MAPK13: variants seen among roughly 807,000 people sequenced by gnomAD.
MAPK13 encodes MAP kinase 13.
A neutral mutation model predicts 53.5 loss-of-function variants in MAPK13; 39 were observed. That is an observed-to-expected ratio of 0.73 (90% CI 0.56 to 0.95). The LOEUF (loss-of-function observed/expected upper bound fraction) is 0.95, where lower values mean the gene tolerates loss of function less well. Ranked by LOEUF, MAPK13 falls within the 40% of genes least tolerant of loss-of-function variation. MAPK13 has a pLI of 0.00. For synonymous variants in MAPK13, 179 were observed against 190.9 expected, an observed-to-expected ratio of 0.94 and a Z score of 0.51; for missense variants, 460 against 471.8, an observed-to-expected ratio of 0.98 and a Z score of 0.23.
chr6:36,136,575 C>A (rs758419038), intron 6 of MAPK13, 44 bp downstream of exon 6: 1 of 1,596,146 alleles, frequency 6.3e-7, no homozygotes, highest in African/African-American at 1.3e-5. Flanking sequence ...ATAGGCCCTC[C>A]CCCAGGGAAG....
Position 36,136,513 on chromosome 6 carries a change from T to C in MAPK13, c.477T>C (p.Asn159=). Residue 159 remains asparagine, a synonymous_variant, in exon 6 of 12, where the codon AAT becomes AAC. Coordinates refer to ENST00000211287, the MANE Select transcript of MAPK13 (RefSeq NM_002754.5). Reference sequence around the variant, plus strand: ...TGAAGCCAGGCAACCTGGCTGTGAATGAGGACTGTGAACTGAAGGTGAGTG... The same window carrying C: ...TGAAGCCAGGCAACCTGGCTGTGAACGAGGACTGTGAACTGAAGGTGAGTG... ...RDLKPGNLAV[N]EDCELKILDF... The C allele has an allele frequency of 6.2e-7, 1 of 1,604,172 alleles. No homozygotes were observed.
rs1766579171 is a variant in MAPK13 at position 36,143,706 on chromosome 6, G to C, written c.*4333G>C. 1.3e-5 allele frequency: 2 copies of C among 152,142 alleles called. No homozygotes were observed. 9.4% of individuals were successfully genotyped at this position (152,142 alleles called of 1,614,324 possible). A position where few individuals can be genotyped will look rare whatever the true frequency, so the allele number is the denominator to read the frequency against. On this transcript the variant is annotated 3_prime_UTR_variant, in exon 12 of 12. Transcript: ENST00000211287. Reference sequence around the variant, plus strand: ...ATCTGCATTCCCCCTAAATCCTCCTGAGCTTTTAGGTAAGAGGCCGATGAT... The same window carrying C: ...ATCTGCATTCCCCCTAAATCCTCCTCAGCTTTTAGGTAAGAGGCCGATGAT...
chr6:36,131,511 C>A, intron 2 of MAPK13, 111 bp downstream of exon 2: 2 of 1,084,144 alleles, frequency 1.8e-6, no homozygotes, highest in African/African-American at 3.1e-5. Context: ...CTCCCTGCTC[C>A]CCTGACGGTG....
Position 36,139,878 on chromosome 6 carries a change from G to T in MAPK13, c.*505G>T, listed in dbSNP as rs1766501976. ...CTTGTGGCGGCAGTGGGCAGTCCGT[G>T]GCATTCCCCAGCTTATTGCTGCATC... On this transcript the variant is annotated 3_prime_UTR_variant, in exon 12 of 12. Coordinates refer to ENST00000211287, the MANE Select transcript of MAPK13 (RefSeq NM_002754.5). The T allele has an allele frequency of 1.3e-5, 2 of 158,908 alleles. No homozygotes were observed. Among genetic ancestry groups the T allele is most frequent in the African/African-American group, 4.8e-5 (2 of 41,560 alleles). 9.8% of individuals were successfully genotyped at this position (158,908 alleles called of 1,614,324 possible).
intron 5 of MAPK13, among the ~76,000 whole-genome samples, 198 bp from the exon 6 acceptor site, chr6:36,136,286 G>A (rs1407968701): frequency 6.6e-6 from 1 of 152,230 alleles, no homozygotes; most frequent in Non-Finnish European, 1.5e-5. Flanking sequence ...GAGTGTTTCA[G>A]GCTTCAAGAA....
intron 8 of MAPK13, among the ~76,000 whole-genome samples, chr6:36,137,660 A>AC (rs1252855913): frequency 2.0e-5 from 3 of 148,644 alleles, no homozygotes; most frequent in African/African-American, 7.5e-5. Context: ...AAAAAAAAAA[A>AC]AAAAAAAAAC....
At chr6:36,131,194 G>A in intron 1 of MAPK13, 77 bp from the exon 2 acceptor site, 1 of 1,528,670 alleles carries the variant, frequency 6.5e-7, no homozygotes, top group Non-Finnish European at 8.8e-7. Flanking sequence ...CAGCTGCCCA[G>A]TGGGAGGGGT....
At position 36,139,507 on chromosome 6, in the gene MAPK13, G is replaced by A; in HGVS notation, c.*134G>A. 1 of 678,378 alleles carries A rather than the reference G, an allele frequency of 1.5e-6. No homozygotes were observed. The highest frequency in any genetic ancestry group is 1.8e-5 in the African/African-American group (1 of 55,794). 42.0% of individuals were successfully genotyped at this position (678,378 alleles called of 1,614,324 possible). ...GGGTCCTTCTCCTTATGTGGGAAAT[G>A]GGCCTAGTAGATGCAGAATTCAAAG... On this transcript the variant is annotated 3_prime_UTR_variant, in exon 12 of 12. Coordinates refer to ENST00000211287, the MANE Select transcript of MAPK13 (RefSeq NM_002754.5).
intron 3 of MAPK13, 140 bp downstream of exon 3, chr6:36,132,819 G>T (rs1766347045): frequency 2.2e-6 from 2 of 890,526 alleles, no homozygotes; most frequent in African/African-American, 3.3e-5. Context: ...GCCTTTGCCT[G>T]TCAAGTGTGA....
intron 3 of MAPK13, among the ~76,000 whole-genome samples, chr6:36,133,815 G>A (rs1371655628): frequency 6.6e-6 from 1 of 152,136 alleles, no homozygotes; most frequent in Non-Finnish European, 1.5e-5. Flanking sequence ...TGAAAGAGAA[G>A]ATCCAAGAGG....
At chr6:36,132,770 G>C in intron 3 of MAPK13, 91 bp downstream of exon 3, 4 of 1,351,154 alleles carry the variant, frequency 3.0e-6, no homozygotes, top group Non-Finnish European at 4.2e-6. Context: ...TTTCTATTCC[G>C]GGTGTGGCGG....
chr6:36,131,554 C>T lies in MAPK13; in HGVS notation c.249+154C>T, dbSNP rs1285482373. Among the ~76,000 whole-genome samples the T allele has an allele frequency of 7.9e-5, 12 of 152,272 alleles. No homozygotes were observed. In the East Asian group the frequency reaches 2.1e-3, roughly 27 times the overall value. Reference sequence around the variant, plus strand: ...CCTCACTATTGAAAGGAGGGGGTGCCGAGACCTTCCCTGCCCACTTTCCAG... The same window carrying T: ...CCTCACTATTGAAAGGAGGGGGTGCTGAGACCTTCCCTGCCCACTTTCCAG... On this transcript the variant is annotated intron_variant, in intron 2 of 11. Transcript: ENST00000211287.
Position 36,142,867 on chromosome 6 carries a change from A to G in MAPK13, c.*3494A>G, listed in dbSNP as rs973755212. 5 of 140,214 alleles carry G rather than the reference A, an allele frequency of 3.6e-5. No homozygotes were observed. The South Asian group carries it at 1.3e-3, about 38-fold the overall frequency. The allele number at this position is 140,214 out of a possible 1,614,324, so 8.7% of individuals were successfully genotyped here. On this transcript the variant is annotated 3_prime_UTR_variant, in exon 12 of 12. Coordinates refer to ENST00000211287, the MANE Select transcript of MAPK13 (RefSeq NM_002754.5). This position sits in a 1 kb window ranked among gnomAD's most constrained non-coding sequence, Gnocchi z 4.4. ...GGCGGTGGAGGTGCTCAGCAGTGCA[A>G]GGTGGGGGGTGGAGGGGGTGGGGAG...
At chr6:36,135,643 C>A in intron 3 of MAPK13, 110 bp from the exon 4 acceptor site, 2 of 695,234 alleles carry the variant, frequency 2.9e-6, no homozygotes, top group Non-Finnish European at 2.5e-6. Flanking sequence ...TTTTTGCACA[C>A]TGGAGGGTGT....
Position 36,136,714 on chromosome 6 carries a change from C to T in MAPK13, c.554C>T (p.Thr185Ile), listed in dbSNP as rs942023313. The part of the protein sequence containing the change: ...ADAEMTGYVV[T>I]RWYRAPEVIL... ...GCCGAGATGACTGGCTACGTGGTGA[C>T]CCGCTGGTACCGAGCCCCCGAGGTG... is the stretch of plus-strand genomic sequence containing the variant. Residue 185 changes from threonine (T) to isoleucine (I), a missense_variant, in exon 7 of 12, where the codon ACC becomes ATC. Transcript: ENST00000211287. The T allele has an allele frequency of 1.2e-6, 2 of 1,613,898 alleles. No individual in the cohort carries two copies. Among genetic ancestry groups the T allele is most frequent in the African/African-American group, 2.7e-5 (2 of 74,944 alleles).
chr6:36,139,461 C>A lies in MAPK13; in HGVS notation c.*88C>A. On this transcript the variant is annotated 3_prime_UTR_variant, in exon 12 of 12. Coordinates refer to ENST00000211287, the MANE Select transcript of MAPK13 (RefSeq NM_002754.5). ...AAACTCAGCCCTTCTTGGAATACAG[C>A]CTTTCAAGCAGAGGACAGAAGGGTC... 1 of 1,070,124 alleles carries A rather than the reference C, an allele frequency of 9.3e-7. No individual in the cohort carries two copies. The highest frequency in any genetic ancestry group is 1.4e-6 in the Non-Finnish European group (1 of 693,256). The allele number at this position is 1,070,124 out of a possible 1,614,324, so 66.3% of individuals were successfully genotyped here. A position where few individuals can be genotyped will look rare whatever the true frequency, so the allele number is the denominator to read the frequency against.
chr6:36,131,520 T>C, intron 2 of MAPK13, 120 bp downstream of exon 2: 1 of 996,386 alleles, frequency 1.0e-6, no homozygotes, highest in Non-Finnish European at 1.5e-6. Flanking sequence ...CCCCTGACGG[T>C]GCCTCTCGCC....
chr6:36,141,685 A>C lies in MAPK13; in HGVS notation c.*2312A>C, dbSNP rs1192093608. 6.5e-6 allele frequency: 1 copy of C among 152,964 alleles called. No homozygotes were observed. The highest frequency in any genetic ancestry group is 1.5e-5 in the Non-Finnish European group (1 of 68,686). The allele number at this position is 152,964 out of a possible 1,614,324, so 9.5% of individuals were successfully genotyped here. A position where few individuals can be genotyped will look rare whatever the true frequency, so the allele number is the denominator to read the frequency against. On this transcript the variant is annotated 3_prime_UTR_variant, in exon 12 of 12. Coordinates refer to ENST00000211287, the MANE Select transcript of MAPK13 (RefSeq NM_002754.5). Reference sequence around the variant, plus strand: ...AGACTCCATCTCAAAAAAACAAAAAAAACAAATACCCTGAGGACACAGAGA... The same window carrying C: ...AGACTCCATCTCAAAAAAACAAAAACAACAAATACCCTGAGGACACAGAGA...
chr6:36,142,949 G>C lies in MAPK13; in HGVS notation c.*3576G>C, dbSNP rs1243064476. ...CTTGCCCAGTGGGCACATGGCCTGTGTAATAGGAAACAAGTCCATTCTCCT... is the reference window on the plus strand; with the variant it reads ...CTTGCCCAGTGGGCACATGGCCTGTCTAATAGGAAACAAGTCCATTCTCCT... On this transcript the variant is annotated 3_prime_UTR_variant, in exon 12 of 12. Coordinates refer to ENST00000211287, the MANE Select transcript of MAPK13 (RefSeq NM_002754.5). The surrounding 1 kb of genome is among the most constrained non-coding windows in gnomAD (Gnocchi z 4.4). The C allele has an allele frequency of 2.0e-5, 3 of 152,076 alleles. 1 individual carries two copies. The highest frequency in any genetic ancestry group is 1.3e-4 in the Admixed American group (2 of 15,268). 9.4% of individuals were successfully genotyped at this position (152,076 alleles called of 1,614,324 possible). A position where few individuals can be genotyped will look rare whatever the true frequency, so the allele number is the denominator to read the frequency against.
Sources: allele counts gnomAD v4.1 joint callset (sites outside exome capture counted in the v4.1 genomes callset), GRCh38; gene constraint gnomAD v4.1.1; non-coding constraint Gnocchi (gnomAD v3.1); transcripts MANE v1.5; gene names NCBI Gene and HGNC (gene_info 2026-07-23, HGNC 2026-07-21).